DHX37: variants seen among roughly 807,000 people sequenced by gnomAD.
DHX37 encodes the protein DEAH-box helicase 37, also known as probable ATP-dependent RNA helicase DHX37.
In DHX37, 52 loss-of-function variants were observed where a neutral mutation model predicts 134.3. The ratio of observed to expected loss-of-function variants is 0.39; its 90% CI spans 0.31 to 0.49. The LOEUF (loss-of-function observed/expected upper bound fraction) is 0.49. DHX37 is among the 20% of genes least tolerant of loss of function. DHX37 has a pLI of 0.93. For missense variants in DHX37, 1,344 were observed against 1,580.8 expected (o/e 0.85, Z 2.54); for synonymous variants, 634 against 670.7 (o/e 0.95, Z 0.85).
In DHX37 at chr12:124,980,701, T is replaced by A; in HGVS notation, c.527A>T (p.Glu176Val). The A allele has an allele frequency of 6.4e-7, 1 of 1,572,856 alleles. No individual in the cohort carries two copies. Among genetic ancestry groups the A allele is most frequent in the Non-Finnish European group, 8.6e-7 (1 of 1,160,706 alleles). The change falls in exon 4 of 27, where the codon GAG becomes GTG. Residue 176 changes from glutamate (E) to valine (V), a missense_variant. Transcript: ENST00000308736. This position sits in a 1 kb window ranked among gnomAD's most constrained non-coding sequence, Gnocchi z 5.3. The part of the protein sequence containing the change: ...EEESESELEE[E>V]SELDEDPAAE... The stretch of plus-strand genomic sequence containing the variant: ...AGCTGGGTCCTCGTCCAGCTCCGAC[T>A]CCTCCTCCAGCTCCGATTCCGACTC...
chr12:124,950,932 G>A (rs934037433), intron 21 of DHX37, 128 bp from the exon 22 acceptor site: 95 of 1,321,662 alleles, frequency 7.2e-5, no homozygotes, highest in Middle Eastern at 5.5e-4. Flanking sequence ...TCCATCTGCC[G>A]GGAAATGCGG....
At chr12:124,979,770 C>T (rs1433433191) in intron 4 of DHX37, among the ~76,000 whole-genome samples, 1 of 152,224 alleles carries the variant, frequency 6.6e-6, no homozygotes, top group Non-Finnish European at 1.5e-5. Flanking sequence ...CCCACACCCT[C>T]CTTGCCACCA....
In DHX37 at chr12:124,960,071, G is replaced by C. The variant is rs114607252; in HGVS notation, c.2157+241C>G. ...CACGGACGGATAGTACATGAACAGC[G>C]TGCAGGACCCTGCTGCCTCTATTCC... On this transcript the variant is annotated intron_variant, in intron 16 of 26. Coordinates refer to ENST00000308736, the MANE Select transcript of DHX37 (RefSeq NM_032656.4). 1.8e-3 allele frequency among the ~76,000 whole-genome samples: 267 copies of C among 152,362 alleles called. 1 individual carries two copies. Among genetic ancestry groups the C allele is most frequent in the Middle Eastern group, 6.8e-3 (2 of 294 alleles).
At chr12:124,967,055 C>T in intron 11 of DHX37, 68 bp downstream of exon 11, 1 of 1,582,450 alleles carries the variant, frequency 6.3e-7, no homozygotes, top group East Asian at 2.2e-5. Flanking sequence ...GAGCTGCACC[C>T]CAGCCAGGGA....
intron 20 of DHX37, 91 bp from the exon 21 acceptor site, chr12:124,952,661 G>A (rs117367999): frequency 0.021 from 28,520 of 1,339,502 alleles, 357 homozygotes; most frequent in Non-Finnish European, 0.025. Context: ...CATGCTCAGT[G>A]CTCTAGCCTC....
In DHX37 at chr12:124,967,054, C is replaced by T; in HGVS notation, c.1504+69G>A. ...AGAAGCTCAGAGGCAGGAGCTGCACCCCAGCCAGGGAGCGCGAGGCCAAGC... is the reference window on the plus strand; with the variant it reads ...AGAAGCTCAGAGGCAGGAGCTGCACTCCAGCCAGGGAGCGCGAGGCCAAGC... On this transcript the variant is annotated intron_variant, in intron 11 of 26. Transcript: ENST00000308736. 1.9e-6 allele frequency: 3 copies of T among 1,574,950 alleles called. No homozygotes were observed. The South Asian group carries it at 3.4e-5, about 18-fold the overall frequency.
chr12:124,947,700 G>A lies in DHX37; in HGVS notation c.*102C>T, dbSNP rs1038729859. The stretch of plus-strand genomic sequence containing the variant: ...GGGCTTGACCCACTTCCTGAGAGCA[G>A]GCCACGAAGCCCATGCCAGGTGGTC... On this transcript the variant is annotated 3_prime_UTR_variant, in exon 27 of 27. Transcript: ENST00000308736. 2.5e-5 allele frequency: 36 copies of A among 1,412,186 alleles called. No individual in the cohort carries two copies. The Admixed American group carries it at 3.1e-4, about 12-fold the overall frequency. 87.5% of individuals were successfully genotyped at this position (1,412,186 alleles called of 1,614,324 possible). A position where few individuals can be genotyped will look rare whatever the true frequency, so the allele number is the denominator to read the frequency against.
At chr12:124,969,088 T>C in intron 8 of DHX37, 120 bp from the exon 9 acceptor site, 1 of 926,724 alleles carries the variant, frequency 1.1e-6, no homozygotes, top group Non-Finnish European at 1.6e-6. Flanking sequence ...CCTCTGCCCC[T>C]TTCTGGATGC....
At chr12:124,957,875 CA>C (rs1007574372) in intron 16 of DHX37, among the ~76,000 whole-genome samples, 10 of 152,322 alleles carry the variant, frequency 6.6e-5, no homozygotes, top group African/African-American at 2.2e-4. Context: ...AGTGCATGAA[CA>C]AAACGTGGGC....
intron 26 of DHX37, 65 bp downstream of exon 26, chr12:124,948,019 A>G: frequency 6.2e-7 from 1 of 1,614,012 alleles, no homozygotes; most frequent in Non-Finnish European, 8.5e-7. Flanking sequence ...TGCACAAAGC[A>G]CAAAGCCCCT....
At chr12:124,976,703 G>A (rs554846925) in intron 5 of DHX37, among the ~76,000 whole-genome samples, 101 of 152,216 alleles carry the variant, frequency 6.6e-4, no homozygotes, top group African/African-American at 2.0e-3. Context: ...GGTGGTGGGC[G>A]CCTGTAGTCC....
In DHX37 at chr12:124,956,792, G is replaced by A. The variant is rs373005578; in HGVS notation, c.2352C>T (p.Tyr784=). The A allele has an allele frequency of 7.4e-6, 12 of 1,612,080 alleles. No homozygotes were observed. Among genetic ancestry groups the A allele is most frequent in the South Asian group, 5.5e-5 (5 of 90,996 alleles). ...TMATFPVAPR[Y]AKMLALSRQH... is the part of the protein sequence containing the mutation. ...GTCGGCTCAGTGCCAGCATCTTAGC[G>A]TAGCGGGGTGCCACGGGGAATGTGG... The change falls in exon 18 of 27, where the codon TAC becomes TAT. Residue 784 remains tyrosine (Y), a synonymous_variant. Transcript: ENST00000308736.
intron 15 of DHX37, among the ~76,000 whole-genome samples, chr12:124,961,184 GCA>G (rs1389594303): frequency 7.1e-5 from 6 of 84,920 alleles, no homozygotes; most frequent in Middle Eastern, 5.9e-3. Flanking sequence ...GCGCATGCGC[GCA>G]CGCACACACA....
intron 26 of DHX37, 72 bp downstream of exon 26, chr12:124,948,012 A>T: frequency 6.2e-7 from 1 of 1,613,888 alleles, no homozygotes; most frequent in South Asian, 1.1e-5. Flanking sequence ...CTGACCGTGC[A>T]CAAAGCACAA....
At chr12:124,950,981 G>C (rs1953968316) in intron 21 of DHX37, among the ~76,000 whole-genome samples, 177 bp from the exon 22 acceptor site, 1 of 152,224 alleles carries the variant, frequency 6.6e-6, no homozygotes, top group South Asian at 2.1e-4. Context: ...CCGTGAAAAG[G>C]AAGGAAGTGC....
intron 2 of DHX37, among the ~76,000 whole-genome samples, chr12:124,983,643 GGCATGGTGGC>G (rs1954802147): frequency 6.6e-6 from 1 of 151,758 alleles, no homozygotes; most frequent in African/African-American, 2.4e-5. Flanking sequence ...AAATTAGCCG[GGCATGGTGGC>G]GCATGCTTGT....
intron 15 of DHX37, among the ~76,000 whole-genome samples, chr12:124,961,655 C>T (rs1009615397): frequency 9.2e-5 from 14 of 152,170 alleles, no homozygotes; most frequent in South Asian, 8.3e-4. Context: ...TCTTGAACTC[C>T]TGACCTTGTG....
rs745391990 is a variant in DHX37, at chr12:124,948,156, G to T, written c.3316C>A (p.Leu1106Met). Residue 1106 changes from leucine to methionine, a missense_variant, in exon 26 of 27, where the codon CTG becomes ATG. By Grantham distance (15) the Leu-to-Met change is conservative. Coordinates refer to ENST00000308736, the MANE Select transcript of DHX37 (RefSeq NM_032656.4). ...ARLQPRTESL[L>M]RALVAEKADC... ...GCCTTCTCTGCAACCAGGGCTCGCA[G>T]AAGGCTCTCCGTACGGGGCTGCAGC... 32 of 1,614,080 alleles carry T rather than the reference G, an allele frequency of 2.0e-5. No homozygotes were observed. Among genetic ancestry groups the T allele is most frequent in the Admixed American group, 5.0e-5 (3 of 60,010 alleles).
chr12:124,957,343 T>C (rs1260895240), intron 16 of DHX37, among the ~76,000 whole-genome samples: 1 of 152,130 alleles, frequency 6.6e-6, no homozygotes, highest in Non-Finnish European at 1.5e-5. Flanking sequence ...ATCCATTCAC[T>C]CAAAAACACG....
Sources: gnomAD v4.1 joint callset for allele counts (sites outside exome capture counted in the v4.1 genomes callset) on GRCh38, gnomAD v4.1.1 for gene constraint, Gnocchi (gnomAD v3.1) non-coding constraint, MANE v1.5 for transcripts, NCBI Gene and HGNC (gene_info 2026-07-23, HGNC 2026-07-21) for gene names.